PCDHGB4: variants seen among roughly 807,000 people sequenced by gnomAD.
The protein encoded by PCDHGB4 is protocadherin gamma-B4.
In PCDHGB4, 38 loss-of-function variants were observed where a neutral mutation model predicts 60.5. That is an observed-to-expected ratio of 0.63 (90% CI 0.48 to 0.82). The LOEUF (loss-of-function observed/expected upper bound fraction) is 0.82. Ranked by LOEUF, PCDHGB4 falls within the 40% of genes least tolerant of loss-of-function variation. The probability of loss-of-function intolerance (pLI) is 0.00; values close to 1 mark genes in which losing one functional copy is unlikely to be tolerated. For synonymous variants in PCDHGB4, 456 were observed against 509.7 expected, an observed-to-expected ratio of 0.89 and a Z score of 1.42; for missense variants, 1,109 against 1,209.6, an observed-to-expected ratio of 0.92 and a Z score of 1.23.
At chr5:141,418,898 A>G (rs768409383) in intron 1 of PCDHGB4, 2 of 1,614,016 alleles carry the variant, frequency 1.2e-6, no homozygotes, top group South Asian at 2.2e-5. Flanking sequence ...CAGCCCAGAA[A>G]TAATCATCAC....
intron 1 of PCDHGB4, chr5:141,393,668 T>C (rs1048580916): frequency 6.2e-7 from 1 of 1,613,872 alleles, no homozygotes. Context: ...GGAAAATTAA[T>C]GAAAAACAAA....
chr5:141,407,676 T>C (rs990367714), intron 1 of PCDHGB4, among the ~76,000 whole-genome samples: 1 of 152,162 alleles, frequency 6.6e-6, no homozygotes, highest in African/African-American at 2.4e-5. Flanking sequence ...TAAACAAAGA[T>C]TGGCTTTGTG....
At chr5:141,427,397 T>C (rs944166415) in intron 1 of PCDHGB4, 2 of 460,626 alleles carry the variant, frequency 4.3e-6, no homozygotes, top group South Asian at 1.5e-5. Flanking sequence ...AAACACATGA[T>C]AAAGATTCGA....
intron 1 of PCDHGB4, chr5:141,441,844 G>T: frequency 2.8e-6 from 1 of 355,710 alleles, no homozygotes. Context: ...CGCGCTCTTG[G>T]ATATGGTGCT....
rs2097549501 is a variant in PCDHGB4 at position 141,432,920 on chromosome 5, A to T, written c.2397+42639A>T. ...GGCGCTCAGGCTGCGGCGCTGGCAC[A>T]AGTCACGCCTGCTGCAGGCTTCAGG... On this transcript the variant is annotated intron_variant, in intron 1 of 3. Transcript: ENST00000519479. The surrounding 1 kb of genome is among the most constrained non-coding windows in gnomAD (Gnocchi z 6.0). 1 of 1,614,022 alleles carries T rather than the reference A, an allele frequency of 6.2e-7. No homozygotes were observed.
chr5:141,465,056 G>A (rs908104635), intron 1 of PCDHGB4, among the ~76,000 whole-genome samples: 9 of 151,044 alleles, frequency 6.0e-5, no homozygotes, highest in Non-Finnish European at 1.3e-4. Context: ...ATATTTTTTT[G>A]AATTGTCTGT....
At chr5:141,398,910 G>A (rs1465229535) in intron 1 of PCDHGB4, 1 of 1,613,972 alleles carries the variant, frequency 6.2e-7, no homozygotes, top group South Asian at 1.1e-5. Flanking sequence ...GCACCACTGT[G>A]TTGCAAGTGT....
intron 1 of PCDHGB4, among the ~76,000 whole-genome samples, chr5:141,473,107 C>A (rs2099314182): frequency 6.6e-6 from 1 of 152,134 alleles, no homozygotes; most frequent in Admixed American, 6.5e-5. Flanking sequence ...TATTACCACA[C>A]TTTACTTGGC....
At chr5:141,453,379 C>T (rs980792532) in intron 1 of PCDHGB4, among the ~76,000 whole-genome samples, 1 of 152,050 alleles carries the variant, frequency 6.6e-6, no homozygotes, top group Non-Finnish European at 1.5e-5. Context: ...AGTGATCCTC[C>T]TGCCTTAGCC....
At chr5:141,500,278 G>A (rs1338703900) in intron 2 of PCDHGB4, among the ~76,000 whole-genome samples, 2 of 150,508 alleles carry the variant, frequency 1.3e-5, no homozygotes, top group East Asian at 2.0e-4. Context: ...GCGCAATCTC[G>A]GCTCACTGCA....
chr5:141,403,068 C>T, intron 1 of PCDHGB4: 1 of 1,614,064 alleles, frequency 6.2e-7, no homozygotes, highest in South Asian at 1.1e-5. Flanking sequence ...CCTGAAGAGA[C>T]AGAAAAGGGC....
chr5:141,448,515 T>C (rs1158968509), intron 1 of PCDHGB4, among the ~76,000 whole-genome samples: 1 of 152,212 alleles, frequency 6.6e-6, no homozygotes, highest in Non-Finnish European at 1.5e-5. Flanking sequence ...TTTATAACTT[T>C]ATTAAGCATC....
rs1160156030 is a variant in PCDHGB4 at position 141,477,238 on chromosome 5, C to T, written c.2398-17569C>T. 20 of 1,614,094 alleles carry T rather than the reference C, an allele frequency of 1.2e-5. No individual in the cohort carries two copies. The highest frequency in any genetic ancestry group is 5.0e-5 in the Admixed American group (3 of 60,006). The stretch of plus-strand genomic sequence containing the variant: ...CTCTGGGGACTGTCATCGCTTTGCT[C>T]AGTGTGACTGACCTGGATGCTGGCG... On this transcript the variant is annotated intron_variant, in intron 1 of 3. Transcript: ENST00000519479. This position sits in a 1 kb window ranked among gnomAD's most constrained non-coding sequence, Gnocchi z 4.9.
chr5:141,431,498 T>C lies in PCDHGB4; in HGVS notation c.2397+41217T>C, dbSNP rs1274311782. On this transcript the variant is annotated intron_variant, in intron 1 of 3. Coordinates refer to ENST00000519479, the MANE Select transcript of PCDHGB4 (RefSeq NM_003736.4). The surrounding 1 kb of genome is among the most constrained non-coding windows in gnomAD (Gnocchi z 4.8). ...CGCACCAGCGTTTGCTCAGCCCGAG[T>C]ACCGCGCGAGCGTTCCGGAGAATCT... The C allele has an allele frequency of 6.2e-7, 1 of 1,613,992 alleles. No homozygotes were observed. Among genetic ancestry groups the C allele is most frequent in the Non-Finnish European group, 8.5e-7 (1 of 1,180,034 alleles).
chr5:141,423,117 G>T, intron 1 of PCDHGB4: 1 of 1,613,816 alleles, frequency 6.2e-7, no homozygotes, highest in Non-Finnish European at 8.5e-7. Flanking sequence ...TGCGTACAGC[G>T]CGGGCACTGC....
Position 141,389,249 on chromosome 5 carries a change from T to A in PCDHGB4, c.1365T>A (p.Tyr455Ter). The change falls in exon 1 of 4, where the codon TAT becomes TAA. Residue 455 changes from tyrosine (Y) to a stop codon, truncating the protein, a stop_gained. Transcript: ENST00000519479. LOFTEE classifies it high-confidence loss of function. ...CTCCGGTTTTCTCACAGTCTTCCTA[T>A]ATAGTCCACGTGGCCGAGAACAACC... ...DNAPVFSQSSYIVHVAENNPP... is the reference protein window; with the variant it reads ...DNAPVFSQSS 6.2e-7 allele frequency: 1 copy of A among 1,614,064 alleles called. No individual in the cohort carries two copies. Among genetic ancestry groups the A allele is most frequent in the Non-Finnish European group, 8.5e-7 (1 of 1,179,910 alleles).
chr5:141,399,704 T>A, intron 1 of PCDHGB4: 1 of 1,613,424 alleles, frequency 6.2e-7, no homozygotes, highest in Non-Finnish European at 8.5e-7. Context: ...ACCTTCGAAC[T>A]CACACTACAG....
At chr5:141,422,900 A>G (rs2096684887) in intron 1 of PCDHGB4, 2 of 1,614,220 alleles carry the variant, frequency 1.2e-6, no homozygotes, top group South Asian at 2.2e-5. Flanking sequence ...GACCAGAACG[A>G]CAATGCGCCC....
Position 141,432,253 on chromosome 5 carries a change from G to A in PCDHGB4, c.2397+41972G>A, listed in dbSNP as rs1193159615. ...CCCTGGCTGAGAACACCATCCAAGGGGCAAGCCTATCGTCCTACGTGTCCA... is the reference window on the plus strand; with the variant it reads ...CCCTGGCTGAGAACACCATCCAAGGAGCAAGCCTATCGTCCTACGTGTCCA... On this transcript the variant is annotated intron_variant, in intron 1 of 3. Coordinates refer to ENST00000519479, the MANE Select transcript of PCDHGB4 (RefSeq NM_003736.4). The surrounding 1 kb of genome is among the most constrained non-coding windows in gnomAD (Gnocchi z 6.0). 2.5e-6 allele frequency: 4 copies of A among 1,614,086 alleles called. No individual in the cohort carries two copies. Among genetic ancestry groups the A allele is most frequent in the Non-Finnish European group, 3.4e-6 (4 of 1,180,046 alleles).
Sources: gnomAD v4.1 joint callset for allele counts (sites outside exome capture counted in the v4.1 genomes callset) on GRCh38, gnomAD v4.1.1 for gene constraint, Gnocchi (gnomAD v3.1) non-coding constraint, MANE v1.5 for transcripts, NCBI Gene and HGNC (gene_info 2026-07-23, HGNC 2026-07-21) for gene names.